Variants in RBFOX1 observed in about 807,000 individuals in gnomAD.
The protein encoded by RBFOX1 is RNA binding fox-1 homolog 1, also known as RNA binding protein fox-1 homolog 1.
Under a neutral mutation model 57.7 loss-of-function variants are expected in RBFOX1, and 8 were observed. The observed-to-expected ratio is 0.14, with a 90% CI of 0.08 to 0.25. The LOEUF (loss-of-function observed/expected upper bound fraction) is 0.25. RBFOX1 is among the 10% of genes least tolerant of loss of function. The probability of loss-of-function intolerance (pLI) is 1.00; values close to 1 mark genes in which losing one functional copy is unlikely to be tolerated. For missense variants in RBFOX1, 611 were observed against 548.5 expected (o/e 1.11, Z -1.14); for synonymous variants, 326 against 222.4 (o/e 1.47, Z -4.15).
chr16:6,086,080 T>G (rs139731618), intron 1 of RBFOX1, among the ~76,000 whole-genome samples: 11,311 of 152,154 alleles, frequency 0.074, 577 homozygotes, highest in East Asian at 0.2. Flanking sequence ...GGTGTTTGGT[T>G]TTCTGTTCCT....
chr16:6,563,462 A>C (rs556541813), intron 2 of RBFOX1, among the ~76,000 whole-genome samples: 1 of 152,116 alleles, frequency 6.6e-6, no homozygotes, highest in Non-Finnish European at 1.5e-5. Flanking sequence ...AAGTCAAAAA[A>C]TTTGGTGCAT....
In RBFOX1 at chr16:7,302,901, C is replaced by T. The variant is rs180878128; in HGVS notation, c.28-215246C>T. Among the ~76,000 whole-genome samples, 794 of 151,990 alleles carry T rather than the reference C, an allele frequency of 5.2e-3. 3 individuals carry two copies. The highest frequency in any genetic ancestry group is 0.018 in the African/African-American group (738 of 41,438). ...ATAAAGGGGAGGGGAGACCCGTTTGCAAGAGCAGAATGTTAATTTGGCCAA... is the reference window on the plus strand; with the variant it reads ...ATAAAGGGGAGGGGAGACCCGTTTGTAAGAGCAGAATGTTAATTTGGCCAA... On this transcript the variant is annotated intron_variant, in intron 4 of 15. Transcript: ENST00000550418.
chr16:5,294,889 G>A (rs1002107062), intron 1 of RBFOX1, among the ~76,000 whole-genome samples: 14 of 151,452 alleles, frequency 9.2e-5, no homozygotes, highest in African/African-American at 3.4e-4. Context: ...AATTAGCTGG[G>A]TGTGGTGGTG....
chr16:6,932,104 G>A (rs1343673644), intron 3 of RBFOX1, among the ~76,000 whole-genome samples: 1 of 151,954 alleles, frequency 6.6e-6, no homozygotes, highest in Non-Finnish European at 1.5e-5. Flanking sequence ...GTTGTTTTTT[G>A]TTGCTGTTTT....
At chr16:6,569,388 C>A (rs764330084) in intron 2 of RBFOX1, among the ~76,000 whole-genome samples, 2 of 152,068 alleles carry the variant, frequency 1.3e-5, no homozygotes, top group African/African-American at 4.8e-5. Context: ...ATGCTCATAC[C>A]AGAATGTTTG....
At chr16:6,983,261 A>G (rs567997577) in intron 3 of RBFOX1, among the ~76,000 whole-genome samples, 2 of 152,120 alleles carry the variant, frequency 1.3e-5, no homozygotes, top group Admixed American at 6.5e-5. Context: ...TGGAATCACT[A>G]GTAACTGCAT....
intron 4 of RBFOX1, among the ~76,000 whole-genome samples, chr16:5,989,129 A>T (rs541583035): frequency 6.6e-6 from 1 of 151,260 alleles, no homozygotes; most frequent in East Asian, 2.0e-4. Flanking sequence ...GACCATCCTG[A>T]CTAACACAGT....
intron 13 of RBFOX1, among the ~76,000 whole-genome samples, chr16:7,673,820 C>T (rs1022506216): frequency 6.6e-6 from 1 of 152,160 alleles, no homozygotes; most frequent in African/African-American, 2.4e-5. Flanking sequence ...TTGTGTTTGT[C>T]ATGCCTCGTT....
chr16:6,217,531 T>C (rs549186993), intron 1 of RBFOX1, among the ~76,000 whole-genome samples: 2 of 152,288 alleles, frequency 1.3e-5, no homozygotes, highest in East Asian at 1.9e-4. Flanking sequence ...TGCAGTTTGA[T>C]TCCCCCTGCT....
intron 4 of RBFOX1, among the ~76,000 whole-genome samples, chr16:7,113,687 T>C (rs1329591957): frequency 1.3e-5 from 2 of 152,248 alleles, no homozygotes; most frequent in Non-Finnish European, 2.9e-5. Context: ...GATTGTTGCA[T>C]GTCAACATGT....
At chr16:6,946,009 T>G (rs2079440578) in intron 3 of RBFOX1, among the ~76,000 whole-genome samples, 1 of 152,188 alleles carries the variant, frequency 6.6e-6, no homozygotes, top group Non-Finnish European at 1.5e-5. Context: ...CTGGAGCCTC[T>G]GGAGCCCCCT....
At chr16:7,543,525 A>G (rs1029534251) in intron 5 of RBFOX1, among the ~76,000 whole-genome samples, 2 of 152,200 alleles carry the variant, frequency 1.3e-5, no homozygotes, top group Non-Finnish European at 2.9e-5. Flanking sequence ...ATGGAATCTC[A>G]GAGAAGTTGA....
At chr16:5,574,587 G>A (rs998763753) in intron 2 of RBFOX1, among the ~76,000 whole-genome samples, 2 of 151,746 alleles carry the variant, frequency 1.3e-5, no homozygotes, top group African/African-American at 2.4e-5. Flanking sequence ...GCAATTTTTT[G>A]TTTGTTTGTT....
At chr16:7,656,427 G>C (rs2066310679) in intron 12 of RBFOX1, among the ~76,000 whole-genome samples, 1 of 145,260 alleles carries the variant, frequency 6.9e-6, no homozygotes. Context: ...GTGGGACCCA[G>C]GGCAGGAGCT....
intron 3 of RBFOX1, among the ~76,000 whole-genome samples, chr16:6,780,452 AT>A (rs919285511): frequency 2.2e-5 from 2 of 89,060 alleles, no homozygotes; most frequent in Admixed American, 1.6e-4. Flanking sequence ...TTATATATAC[AT>A]TTTTATATAT....
At chr16:7,053,036 C>T (rs2346248) in intron 4 of RBFOX1, among the ~76,000 whole-genome samples, 66,345 of 152,072 alleles carry the variant, frequency 0.44, 17,767 homozygotes, top group South Asian at 0.62. Context: ...AATAAATAAG[C>T]ATAATGTATT....
chr16:5,531,085 A>C (rs2044459626), intron 2 of RBFOX1, among the ~76,000 whole-genome samples: 1 of 152,038 alleles, frequency 6.6e-6, no homozygotes, highest in South Asian at 2.1e-4. Context: ...AGATTGCGCC[A>C]CTGCACTCCA....
At chr16:5,940,337 C>A (rs925375250) in intron 4 of RBFOX1, among the ~76,000 whole-genome samples, 9 of 152,160 alleles carry the variant, frequency 5.9e-5, no homozygotes, top group Admixed American at 5.9e-4. Flanking sequence ...TTGAGCATCT[C>A]GTTTTTCCAG....
At chr16:6,128,988 A>C (rs1423919251) in intron 1 of RBFOX1, among the ~76,000 whole-genome samples, 1 of 152,220 alleles carries the variant, frequency 6.6e-6, no homozygotes, top group Non-Finnish European at 1.5e-5. Context: ...ACCTAGCACA[A>C]CAGGATCAAA....
Sources: gnomAD v4.1 joint callset for allele counts (sites outside exome capture counted in the v4.1 genomes callset) on GRCh38, gnomAD v4.1.1 for gene constraint, MANE v1.5 for transcripts, NCBI Gene and HGNC (gene_info 2026-07-23, HGNC 2026-07-21) for gene names.